Variants in DLGAP2 observed in about 807,000 individuals in gnomAD.
The protein encoded by DLGAP2 is disks large-associated protein 2.
DLGAP2 carries 26 observed loss-of-function variants against 100.3 expected under a neutral mutation model. The ratio of observed to expected loss-of-function variants is 0.26; its 90% CI spans 0.19 to 0.36. The LOEUF (loss-of-function observed/expected upper bound fraction) is 0.36. DLGAP2 is among the 10% of genes least tolerant of loss of function. The pLI, the probability that DLGAP2 is intolerant of heterozygous loss-of-function variation, is 1.00. For missense variants in DLGAP2, 1,858 were observed against 1,453.2 expected (o/e 1.28, Z -4.53); for synonymous variants, 886 against 630.1 (o/e 1.41, Z -6.08).
At chr8:1,174,130 T>A (rs1000972985) in intron 2 of DLGAP2, among the ~76,000 whole-genome samples, 1 of 152,138 alleles carries the variant, frequency 6.6e-6, no homozygotes, top group African/African-American at 2.4e-5. Context: ...AGGGGAGATC[T>A]AAGTCGGGCT....
chr8:833,074 A>G (rs562632842), intron 1 of DLGAP2, among the ~76,000 whole-genome samples: 3 of 152,336 alleles, frequency 2.0e-5, no homozygotes, highest in East Asian at 1.9e-4. Context: ...CCCCATGAGC[A>G]GCACTGGGGT....
At chr8:984,209 C>T (rs956787629) in intron 2 of DLGAP2, among the ~76,000 whole-genome samples, 4 of 152,090 alleles carry the variant, frequency 2.6e-5, no homozygotes, top group Non-Finnish European at 4.4e-5. Flanking sequence ...CCAGTTTTGC[C>T]GACACCTGAC....
chr8:1,095,563 C>A (rs545568706), intron 2 of DLGAP2, among the ~76,000 whole-genome samples: 1 of 152,126 alleles, frequency 6.6e-6, no homozygotes, highest in Non-Finnish European at 1.5e-5. Flanking sequence ...CAGTGTCCAC[C>A]GTCAACACTG....
intron 3 of DLGAP2, among the ~76,000 whole-genome samples, chr8:1,414,163 C>G (rs1796813422): frequency 6.6e-6 from 1 of 152,108 alleles, no homozygotes; most frequent in Non-Finnish European, 1.5e-5. Flanking sequence ...GGGGAGTTGT[C>G]TGTTGAGAGA....
intron 1 of DLGAP2, among the ~76,000 whole-genome samples, chr8:770,371 A>C (rs1435082677): frequency 1.3e-5 from 2 of 152,150 alleles, no homozygotes; most frequent in African/African-American, 4.8e-5. Context: ...GGGTTATTTA[A>C]TCACAGGTCC....
intron 2 of DLGAP2, among the ~76,000 whole-genome samples, chr8:915,010 G>A (rs573060655): frequency 1.3e-5 from 2 of 152,298 alleles, no homozygotes; most frequent in East Asian, 1.9e-4. Context: ...CCACCATCCT[G>A]TAACTTTGTG....
rs1563437641 is a variant in DLGAP2, at chr8:795,760, G to GAGAGCAGGCGTCCAGTA, written c.18+57951_18+57952insAAGAGCAGGCGTCCAGT. Reference sequence around the variant, plus strand: ...CGTCCAGTGAGAACAGGCGTCCAGTGAGAGCAGGCGTCCAGTGAGAGCAGG... The same window carrying GAGAGCAGGCGTCCAGTA: ...CGTCCAGTGAGAACAGGCGTCCAGTGAGAGCAGGCGTCCAGTAAGAGCAGGCGTCCAGTGAGAGCAGG... On this transcript the variant is annotated intron_variant, in intron 1 of 14. Coordinates refer to ENST00000637795, the MANE Select transcript of DLGAP2 (RefSeq NM_001346810.2). Among the ~76,000 whole-genome samples the GAGAGCAGGCGTCCAGTA allele has an allele frequency of 6.1e-4, 89 of 145,954 alleles. 8 individuals are homozygous for GAGAGCAGGCGTCCAGTA. The highest frequency in any genetic ancestry group is 1.1e-3 in the Admixed American group (16 of 14,500).
intron 1 of DLGAP2, among the ~76,000 whole-genome samples, chr8:894,490 C>T (rs965045358): frequency 4.0e-5 from 6 of 151,550 alleles, no homozygotes; most frequent in African/African-American, 1.2e-4. Context: ...ATGGATGGAG[C>T]TGGGGGACAC....
intron 4 of DLGAP2, among the ~76,000 whole-genome samples, chr8:1,523,981 C>T (rs984236563): frequency 1.6e-4 from 24 of 152,212 alleles, no homozygotes; most frequent in Non-Finnish European, 5.9e-5. Flanking sequence ...CGTTTGGAGA[C>T]TCCGCCGCAA....
chr8:1,523,019 C>T (rs1215878114), intron 4 of DLGAP2, among the ~76,000 whole-genome samples: 1 of 152,220 alleles, frequency 6.6e-6, no homozygotes, highest in Non-Finnish European at 1.5e-5. Context: ...CCAGGGGCAG[C>T]TGGAGACTCA....
chr8:1,489,955 AAT>A (rs1423182624), intron 3 of DLGAP2, among the ~76,000 whole-genome samples: 2 of 152,052 alleles, frequency 1.3e-5, no homozygotes, highest in Non-Finnish European at 2.9e-5. Flanking sequence ...GCAGTGGCAC[AAT>A]CTTGGCTCAC....
At chr8:738,644 A>G (rs1370563441) in intron 1 of DLGAP2, 1 of 149,092 alleles carries the variant, frequency 6.7e-6, no homozygotes, top group Admixed American at 6.6e-5. Flanking sequence ...GGGGCGGCGG[A>G]CGCGGGCTCC....
chr8:899,600 A>T (rs1798211389), intron 1 of DLGAP2, among the ~76,000 whole-genome samples: 1 of 152,220 alleles, frequency 6.6e-6, no homozygotes, highest in Admixed American at 6.5e-5. Flanking sequence ...GATAGAAGAC[A>T]TTATCAAACA....
At chr8:1,009,987 C>G (rs527777844) in intron 2 of DLGAP2, among the ~76,000 whole-genome samples, 17 of 152,342 alleles carry the variant, frequency 1.1e-4, no homozygotes, top group African/African-American at 4.1e-4. Context: ...ACTTATCTTT[C>G]TGAAGAAGTT....
chr8:1,076,432 A>G (rs1181594927), intron 2 of DLGAP2, among the ~76,000 whole-genome samples: 1 of 152,136 alleles, frequency 6.6e-6, no homozygotes, highest in African/African-American at 2.4e-5. Context: ...GGAAAGTCGG[A>G]TGGGTTAGAG....
At chr8:848,967 T>A (rs537450665) in intron 1 of DLGAP2, among the ~76,000 whole-genome samples, 1 of 150,316 alleles carries the variant, frequency 6.7e-6, no homozygotes. Context: ...TGTTCCAGCA[T>A]AGGATCGTGA....
intron 10 of DLGAP2, among the ~76,000 whole-genome samples, chr8:1,672,686 C>T (rs1293372269): frequency 6.6e-6 from 1 of 152,118 alleles, no homozygotes; most frequent in South Asian, 2.1e-4. Context: ...CTCATGGCTG[C>T]CCCAGAGCTC....
chr8:1,022,209 C>T (rs998855168), intron 2 of DLGAP2, among the ~76,000 whole-genome samples: 3 of 151,966 alleles, frequency 2.0e-5, no homozygotes, highest in Non-Finnish European at 4.4e-5. Context: ...CCCACCCTCC[C>T]TGGGAGTGGA....
intron 3 of DLGAP2, among the ~76,000 whole-genome samples, chr8:1,310,267 G>C (rs117870514): frequency 0.013 from 1,971 of 151,802 alleles, 13 homozygotes; most frequent in Middle Eastern, 0.027. Context: ...AGAAAATGAA[G>C]GACAGAGGCT....
Sources: allele counts gnomAD v4.1 joint callset (sites outside exome capture counted in the v4.1 genomes callset), GRCh38; gene constraint gnomAD v4.1.1; transcripts MANE v1.5; gene names NCBI Gene and HGNC (gene_info 2026-07-23, HGNC 2026-07-21).